Variants in WDR25 observed in about 807,000 individuals in gnomAD.
The protein encoded by WDR25 is WD repeat-containing protein 25.
In WDR25, 35 loss-of-function variants were observed where a neutral mutation model predicts 47.7. The ratio of observed to expected loss-of-function variants is 0.73; its 90% CI spans 0.56 to 0.97. WDR25 has a LOEUF of 0.97. Among genes scored for constraint, WDR25 ranks in the 50% least tolerant of loss-of-function variants. WDR25 has a pLI of 0.00. For synonymous variants in WDR25, 248 were observed against 278.9 expected (o/e 0.89, Z 1.10); for missense variants, 634 against 704.7 (o/e 0.90, Z 1.14).
Position 100,424,413 on chromosome 14 carries a change from T to A in WDR25, c.822+42667T>A, listed in dbSNP as rs142184416. Among the ~76,000 whole-genome samples, 5 of 152,286 alleles carry A rather than the reference T, an allele frequency of 3.3e-5. No individual in the cohort carries two copies. Among genetic ancestry groups the A allele is most frequent in the African/African-American group, 1.2e-4 (5 of 41,560 alleles). On this transcript the variant is annotated intron_variant, in intron 2 of 6. Coordinates refer to ENST00000402312, the MANE Select transcript of WDR25 (RefSeq NM_001161476.3). The surrounding 1 kb of genome is among the most constrained non-coding windows in gnomAD (Gnocchi z 4.2). The stretch of plus-strand genomic sequence containing the variant: ...AATTAAACCTCAGACCTTGTTTGCA[T>A]GTTAAGAGTTAGCAGGACAATCCTT...
At chr14:100,508,441 A>G (rs748295149) in intron 4 of WDR25, among the ~76,000 whole-genome samples, 4 of 152,182 alleles carry the variant, frequency 2.6e-5, no homozygotes, top group African/African-American at 4.8e-5. Flanking sequence ...CAGGCAAGAT[A>G]CAGGACTCTT....
At position 100,449,887 on chromosome 14, in the gene WDR25, G is replaced by A. The variant is rs896618610; in HGVS notation, c.823-18134G>A. Among the ~76,000 whole-genome samples the A allele has an allele frequency of 2.6e-5, 4 of 152,110 alleles. No homozygotes were observed. The highest frequency in any genetic ancestry group is 7.2e-5 in the African/African-American group (3 of 41,428). On this transcript the variant is annotated intron_variant, in intron 2 of 6. Coordinates refer to ENST00000402312, the MANE Select transcript of WDR25 (RefSeq NM_001161476.3). This position sits in a 1 kb window ranked among gnomAD's most constrained non-coding sequence, Gnocchi z 4.2. ...CTCCTGCTGTTACGCCATGTGCCAC[G>A]ACACCCTGCCTTCTCCCCTGCTCCC...
intron 3 of WDR25, among the ~76,000 whole-genome samples, chr14:100,473,706 A>G (rs982278755): frequency 6.6e-6 from 1 of 152,214 alleles, no homozygotes; most frequent in South Asian, 2.1e-4. Context: ...AAGAGCCCCA[A>G]GAGCTCCTGG....
intron 2 of WDR25, among the ~76,000 whole-genome samples, chr14:100,427,904 T>G (rs1898215625): frequency 6.6e-6 from 1 of 152,202 alleles, no homozygotes; most frequent in Non-Finnish European, 1.5e-5. Context: ...GCACCCCTGC[T>G]GTTTCTCCTG....
At chr14:100,441,106 C>T (rs900368556) in intron 2 of WDR25, among the ~76,000 whole-genome samples, 2 of 152,072 alleles carry the variant, frequency 1.3e-5, no homozygotes, top group Admixed American at 6.6e-5. Flanking sequence ...GAAACTGGGC[C>T]AGGGAGATAA....
chr14:100,413,851 G>A (rs1309376273), intron 2 of WDR25, among the ~76,000 whole-genome samples: 2 of 152,228 alleles, frequency 1.3e-5, no homozygotes, highest in Admixed American at 6.5e-5. Context: ...TTAACAGAAT[G>A]TTTTTGAGAT....
chr14:100,437,607 C>A (rs1398481041), intron 2 of WDR25, among the ~76,000 whole-genome samples: 1 of 152,140 alleles, frequency 6.6e-6, no homozygotes, highest in Non-Finnish European at 1.5e-5. Context: ...ATGTGTCCAG[C>A]ACCCAGACAC....
chr14:100,493,197 G>A (rs1432988290), intron 4 of WDR25, among the ~76,000 whole-genome samples: 2 of 152,180 alleles, frequency 1.3e-5, no homozygotes, highest in African/African-American at 4.8e-5. Flanking sequence ...AGTTCTTAGT[G>A]TGTTTGCAGG....
In WDR25 at chr14:100,468,543, C is replaced by T. The variant is rs1049127373; in HGVS notation, c.970+375C>T. 4.6e-5 allele frequency among the ~76,000 whole-genome samples: 7 copies of T among 152,180 alleles called. No individual in the cohort carries two copies. The highest frequency in any genetic ancestry group is 1.2e-4 in the African/African-American group (5 of 41,432). ...GTTAGAATTCCTGTCAATTCATTAT[C>T]GTTGAAAGTCTGTGAGAAATGATTC... On this transcript the variant is annotated intron_variant, in intron 3 of 6. Coordinates refer to ENST00000402312, the MANE Select transcript of WDR25 (RefSeq NM_001161476.3). This position sits in a 1 kb window ranked among gnomAD's most constrained non-coding sequence, Gnocchi z 4.5.
intron 2 of WDR25, among the ~76,000 whole-genome samples, chr14:100,412,597 T>C (rs1897743698): frequency 6.6e-6 from 1 of 152,242 alleles, no homozygotes; most frequent in Admixed American, 6.5e-5. Context: ...TCAACGTCTC[T>C]ACATGTATAT....
chr14:100,509,930 G>A (rs1335005864), intron 4 of WDR25, among the ~76,000 whole-genome samples: 2 of 151,264 alleles, frequency 1.3e-5, no homozygotes, highest in African/African-American at 4.9e-5. Flanking sequence ...GTCTATTGTT[G>A]TACTCTCTCT....
At chr14:100,474,475 G>T (rs772097035) in intron 3 of WDR25, among the ~76,000 whole-genome samples, 7 of 152,190 alleles carry the variant, frequency 4.6e-5, no homozygotes, top group Non-Finnish European at 7.3e-5. Context: ...TCTGGCGTGT[G>T]TGTGTTTGGT....
Position 100,525,493 on chromosome 14 carries a change from GAA to G in WDR25, c.1102-376_1102-375del, listed in dbSNP as rs2030076440. Among the ~76,000 whole-genome samples the G allele has an allele frequency of 6.6e-6, 1 of 152,194 alleles. No homozygotes were observed. The highest frequency in any genetic ancestry group is 1.5e-5 in the Non-Finnish European group (1 of 68,030). ...AGCTGTGAATTATGTGACGTCTTCA[GAA>G]GCAGGACCCACTCAAAGCATGACCC... On this transcript the variant is annotated intron_variant, in intron 4 of 6. Coordinates refer to ENST00000402312, the MANE Select transcript of WDR25 (RefSeq NM_001161476.3). This position sits in a 1 kb window ranked among gnomAD's most constrained non-coding sequence, Gnocchi z 4.6.
Position 100,381,391 on chromosome 14 carries a change from C to T in WDR25, c.467C>T (p.Thr156Ile). Residue 156 changes from threonine (T) to isoleucine (I), a missense_variant, in exon 2 of 7, where the codon ACC becomes ATC. Transcript: ENST00000402312. ...SSFHAQSESE[T>I]VGKNGSSFQK... ...TTCCATGCTCAAAGTGAGTCTGAAA[C>T]CGTAGGTAAAAATGGCAGCTCTTTT... The T allele has an allele frequency of 6.2e-7, 1 of 1,614,172 alleles. No homozygotes were observed. Among genetic ancestry groups the T allele is most frequent in the Non-Finnish European group, 8.5e-7 (1 of 1,180,026 alleles).
Position 100,380,945 on chromosome 14 carries a change from T to TA in WDR25, c.21_22insA (p.Leu8IlefsTer9). The TA allele has an allele frequency of 6.2e-7, 1 of 1,613,756 alleles. No individual in the cohort carries two copies. Among genetic ancestry groups the TA allele is most frequent in the African/African-American group, 1.3e-5 (1 of 75,058 alleles). On this transcript the variant is annotated frameshift_variant, in exon 2 of 7. Coordinates refer to ENST00000402312, the MANE Select transcript of WDR25 (RefSeq NM_001161476.3). LOFTEE classifies it high-confidence loss of function. ...TTTGAATGACAGCAAGAACTCTGTC[T>TA]TTAATGGCTTCATTGGTAGCGTATG...
chr14:100,390,897 A>T (rs1897129712), intron 2 of WDR25, among the ~76,000 whole-genome samples: 1 of 152,170 alleles, frequency 6.6e-6, no homozygotes, highest in Non-Finnish European at 1.5e-5. Flanking sequence ...TTTGAGAACC[A>T]AGTGAGTTCA....
At chr14:100,419,251 C>A (rs973722508) in intron 2 of WDR25, among the ~76,000 whole-genome samples, 1 of 151,834 alleles carries the variant, frequency 6.6e-6, no homozygotes, top group Non-Finnish European at 1.5e-5. Context: ...ATTTATTTCC[C>A]GTCTCCACAG....
chr14:100,504,579 A>G (rs1427458784), intron 4 of WDR25: 1 of 152,222 alleles, frequency 6.6e-6, no homozygotes, highest in Non-Finnish European at 1.5e-5. Context: ...TTGCTGAGTC[A>G]TAGTCCATTG....
chr14:100,378,243 C>G (rs1896777712), intron 1 of WDR25, among the ~76,000 whole-genome samples: 1 of 151,756 alleles, frequency 6.6e-6, no homozygotes, highest in Admixed American at 6.6e-5. Context: ...GATCTTGGCT[C>G]ACTGCAACCT....
Sources: allele counts gnomAD v4.1 joint callset (sites outside exome capture counted in the v4.1 genomes callset), GRCh38; gene constraint gnomAD v4.1.1; non-coding constraint Gnocchi (gnomAD v3.1); transcripts MANE v1.5; gene names NCBI Gene and HGNC (gene_info 2026-07-23, HGNC 2026-07-21).